CCM2L: variants seen among roughly 807,000 people sequenced by gnomAD.
CCM2L encodes the protein CCM2 like scaffold protein, also known as cerebral cavernous malformations 2 protein-like.
Under a neutral mutation model 54.1 loss-of-function variants are expected in CCM2L, and 36 were observed. The observed-to-expected ratio is 0.67, with a 90% CI of 0.51 to 0.88. The LOEUF is 0.88. Among genes scored for constraint, CCM2L ranks in the 40% least tolerant of loss-of-function variants. The probability of loss-of-function intolerance (pLI) is 0.00; values close to 1 mark genes in which losing one functional copy is unlikely to be tolerated. For missense variants in CCM2L, 700 were observed against 812.1 expected (o/e 0.86, Z 1.68); for synonymous variants, 351 against 359.3 (o/e 0.98, Z 0.26).
intron 2 of CCM2L, among the ~76,000 whole-genome samples, chr20:32,015,781 G>A (rs2064736229): frequency 6.6e-6 from 1 of 151,810 alleles, no homozygotes; most frequent in Non-Finnish European, 1.5e-5. Flanking sequence ...TTTTACTGCA[G>A]TGACCTTGCT....
At chr20:32,018,812 A>T in intron 4 of CCM2L, 131 bp from the exon 5 acceptor site, 1 of 1,099,886 alleles carries the variant, frequency 9.1e-7, no homozygotes, top group Non-Finnish European at 1.1e-6. Flanking sequence ...CCGCCGCGCT[A>T]CTTTAAAGCC....
In CCM2L at chr20:32,018,168, G is replaced by A; in HGVS notation, c.466+6G>A. ...CCTGCTAGTGCTCAAGACCGGTGCGGCGGGAGGGGGCGGGGGCGGGGGAGG... is the reference window on the plus strand; with the variant it reads ...CCTGCTAGTGCTCAAGACCGGTGCGACGGGAGGGGGCGGGGGCGGGGGAGG... On this transcript the variant is annotated splice_donor_region_variant and intron_variant, in intron 4 of 9. Coordinates refer to ENST00000452892, the MANE Select transcript of CCM2L (RefSeq NM_001365692.1). 1 of 1,344,928 alleles carries A rather than the reference G, an allele frequency of 7.4e-7. No homozygotes were observed. Among genetic ancestry groups the A allele is most frequent in the South Asian group, 1.5e-5 (1 of 67,524 alleles). 83.3% of individuals were successfully genotyped at this position (1,344,928 alleles called of 1,614,324 possible).
At chr20:32,012,422 G>A (rs908069145) in intron 1 of CCM2L, among the ~76,000 whole-genome samples, 4 of 152,136 alleles carry the variant, frequency 2.6e-5, no homozygotes, top group Admixed American at 2.6e-4. Context: ...TAGGTGTGGT[G>A]GTGGTGCATG....
chr20:32,013,642 G>A (rs2122313061), intron 1 of CCM2L, among the ~76,000 whole-genome samples: 1 of 151,864 alleles, frequency 6.6e-6, no homozygotes, highest in African/African-American at 2.4e-5. Context: ...TGTAGAGACA[G>A]TTTCACCATG....
At chr20:32,017,920 T>C in intron 3 of CCM2L, 37 bp downstream of exon 3, 1 of 1,612,980 alleles carries the variant, frequency 6.2e-7, no homozygotes, top group Non-Finnish European at 8.5e-7. Flanking sequence ...AGGATCTCGC[T>C]CCCTTCTCCC....
rs1209441988 is a variant in CCM2L, at chr20:32,029,691, C to G, written c.1264-9C>G. ...CTGGGATTGATCTCGAATGGTGTCC[C>G]CCACATAGTTGCGGAGTAAGCTGGG... On this transcript the variant is annotated splice_polypyrimidine_tract_variant and intron_variant, in intron 8 of 9. Transcript: ENST00000452892. 1 of 1,602,634 alleles carries G rather than the reference C, an allele frequency of 6.2e-7. No individual in the cohort carries two copies. Among genetic ancestry groups the G allele is most frequent in the South Asian group, 1.1e-5 (1 of 89,382 alleles).
At chr20:32,011,208 C>T (rs1364415146) in intron 1 of CCM2L, among the ~76,000 whole-genome samples, 2 of 148,484 alleles carry the variant, frequency 1.3e-5, no homozygotes, top group African/African-American at 2.5e-5. Context: ...CCAAGACATA[C>T]GTGCATGTTT....
Position 32,016,637 on chromosome 20 carries a change from C to G in CCM2L, c.199-1163C>G, listed in dbSNP as rs149166505. On this transcript the variant is annotated intron_variant, in intron 2 of 9. Transcript: ENST00000452892. ...CACTGCTGCACTCCAGCCCGGGCGA[C>G]AGTGCGAGACTCCAGCCCCCCCACG... is the stretch of plus-strand genomic sequence containing the variant. Among the ~76,000 whole-genome samples, 1,233 of 152,034 alleles carry G rather than the reference C, an allele frequency of 8.1e-3. 17 individuals carry two copies. The highest frequency in any genetic ancestry group is 0.028 in the African/African-American group (1,157 of 41,492).
chr20:32,019,158 C>A lies in CCM2L; in HGVS notation c.682C>A (p.Arg228Ser), dbSNP rs1288396857. 1.3e-5 allele frequency: 14 copies of A among 1,111,484 alleles called. No individual in the cohort carries two copies. Among genetic ancestry groups the A allele is most frequent in the African/African-American group, 3.3e-5 (2 of 60,180 alleles). 68.9% of individuals were successfully genotyped at this position (1,111,484 alleles called of 1,614,324 possible). The part of the protein sequence containing the change: ...GGGGGSLERQ[R>S]AGARASGSWE... Reference sequence around the variant, plus strand: ...CGGCGGCGGCAGCTTGGAGCGCCAGCGCGCCGGGGCGCGGGCGTCGGGCAG... The same window carrying A: ...CGGCGGCGGCAGCTTGGAGCGCCAGAGCGCCGGGGCGCGGGCGTCGGGCAG... Residue 228 changes from arginine to serine, a missense_variant, in exon 5 of 10, where the codon CGC (arginine) becomes AGC (serine). By Grantham distance (110) the Arg-to-Ser change is moderately radical (BLOSUM62 -1). Transcript: ENST00000452892.
chr20:32,017,774 C>T (rs1266974504), intron 2 of CCM2L, 26 bp from the exon 3 acceptor site: 19 of 1,600,510 alleles, frequency 1.2e-5, no homozygotes, highest in East Asian at 2.2e-5. Context: ...TCTCTGTGTC[C>T]TTCTCTCACC....
chr20:32,010,814 A>G (rs1490964759), intron 1 of CCM2L, among the ~76,000 whole-genome samples: 2 of 152,102 alleles, frequency 1.3e-5, no homozygotes, highest in African/African-American at 4.8e-5. Context: ...TCTCAGACAG[A>G]CGGACAGACA....
At chr20:32,016,655 C>A (rs1304762193) in intron 2 of CCM2L, among the ~76,000 whole-genome samples, 2 of 152,018 alleles carry the variant, frequency 1.3e-5, no homozygotes, top group African/African-American at 4.8e-5. Context: ...GACTCCAGCC[C>A]CCCCACGCCC....
chr20:32,031,255 G>A lies in CCM2L; in HGVS notation c.1657G>A (p.Glu553Lys), dbSNP rs751232656. Residue 553 changes from glutamate to lysine, a missense_variant, in exon 10 of 10, where the codon GAG becomes AAG. By Grantham distance (56) the Glu-to-Lys change is moderately conservative. Transcript: ENST00000452892. The stretch of plus-strand genomic sequence containing the variant: ...GGCCCCCGATGACGACGACGACGAC[G>A]AGGATGAGCCCCGGGGCTCCAGGGG... The part of the protein sequence containing the change: ...ALAPDDDDDD[E>K]DEPRGSRGGS... The A allele has an allele frequency of 6.9e-6, 9 of 1,297,736 alleles. No homozygotes were observed. In the South Asian group the frequency reaches 8.6e-5, roughly 12 times the overall value. 80.4% of individuals were successfully genotyped at this position (1,297,736 alleles called of 1,614,324 possible).
In CCM2L at chr20:32,019,137, G is replaced by A. The variant is rs1358808705; in HGVS notation, c.661G>A (p.Gly221Ser). ...GGAGGCCCGGGCCGGGGGAGGCGGC[G>A]GCGGCAGCTTGGAGCGCCAGCGCGC... ...AAEARAGGGG[G>S]GSLERQRAGA... The change falls in exon 5 of 10, where the codon GGC becomes AGC. Residue 221 changes from glycine (G) to serine (S), a missense_variant. By Grantham distance (56) the Gly-to-Ser change is moderately conservative (BLOSUM62 0). Coordinates refer to ENST00000452892, the MANE Select transcript of CCM2L (RefSeq NM_001365692.1). 4 of 1,141,088 alleles carry A rather than the reference G, an allele frequency of 3.5e-6. No homozygotes were observed. The Admixed American group carries it at 1.4e-4, about 41-fold the overall frequency. 70.7% of individuals were successfully genotyped at this position (1,141,088 alleles called of 1,614,324 possible).
At chr20:32,026,663 C>A (rs2064863807) in intron 7 of CCM2L, among the ~76,000 whole-genome samples, 1 of 152,120 alleles carries the variant, frequency 6.6e-6, no homozygotes. Flanking sequence ...ATCGCTTGAG[C>A]CTGGGAGTTC....
At position 32,029,036 on chromosome 20, in the gene CCM2L, C is replaced by T. The variant is rs146361011; in HGVS notation, c.1175C>T (p.Thr392Met). Residue 392 changes from threonine (T) to methionine (M), a missense_variant, in exon 8 of 10, where the codon ACG (threonine) becomes ATG (methionine). Coordinates refer to ENST00000452892, the MANE Select transcript of CCM2L (RefSeq NM_001365692.1). Reference protein sequence around the residue: ...QDTFEACYSGTSTPSFHGSHC... With the variant: ...QDTFEACYSGMSTPSFHGSHC... Reference sequence around the variant, plus strand: ...ACCTTTGAAGCATGTTACAGCGGCACGTCCACACCTTCTTTCCATGGCTCC... The same window carrying T: ...ACCTTTGAAGCATGTTACAGCGGCATGTCCACACCTTCTTTCCATGGCTCC... 2.5e-6 allele frequency: 4 copies of T among 1,614,136 alleles called. No homozygotes were observed. Among genetic ancestry groups the T allele is most frequent in the Non-Finnish European group, 3.4e-6 (4 of 1,179,978 alleles).
chr20:32,023,882 C>T (rs2064830229), intron 6 of CCM2L, among the ~76,000 whole-genome samples: 1 of 152,194 alleles, frequency 6.6e-6, no homozygotes, highest in African/African-American at 2.4e-5. Context: ...AGGCATGCGC[C>T]ACTACGCCCA....
Position 32,030,983 on chromosome 20 carries a change from A to G in CCM2L, c.1403-18A>G, listed in dbSNP as rs1433585823. 6.9e-6 allele frequency: 9 copies of G among 1,303,652 alleles called. No individual in the cohort carries two copies. The highest frequency in any genetic ancestry group is 9.1e-6 in the Non-Finnish European group (9 of 988,812). 80.8% of individuals were successfully genotyped at this position (1,303,652 alleles called of 1,614,324 possible). On this transcript the variant is annotated intron_variant, in intron 9 of 9. Coordinates refer to ENST00000452892, the MANE Select transcript of CCM2L (RefSeq NM_001365692.1). ...AGGGAACGTGTCCTGGGGACTCACC[A>G]TGCCCCTCGGCTCGCAGGGATGCGG...
intron 7 of CCM2L, chr20:32,028,598 A>G (rs945416249): frequency 1.0e-4 from 22 of 213,532 alleles, no homozygotes; most frequent in Middle Eastern, 1.8e-3. Flanking sequence ...CCATGGACTG[A>G]GGGAGCATGT....
Sources: allele counts gnomAD v4.1 joint callset (sites outside exome capture counted in the v4.1 genomes callset), GRCh38; gene constraint gnomAD v4.1.1; transcripts MANE v1.5; gene names NCBI Gene and HGNC (gene_info 2026-07-23, HGNC 2026-07-21).